AQP7B: variants seen among roughly 807,000 people sequenced by gnomAD.
The protein encoded by AQP7B is putative aquaporin-7B.
the AQP7B span, among the ~76,000 whole-genome samples, chr2:94,588,108 G>A: frequency 2.6e-5 from 4 of 152,088 alleles, no homozygotes; most frequent in Non-Finnish European, 5.9e-5. Context: ...ATGTGTGTGT[G>A]CAGGTCCTGG....
chr2:94,602,139 G>A, the AQP7B span, among the ~76,000 whole-genome samples: 1 of 151,772 alleles, frequency 6.6e-6, no homozygotes, highest in East Asian at 2.0e-4. Flanking sequence ...TGAAGTGTGA[G>A]GGACTCTGAG....
chr2:94,597,843 G>A, the AQP7B span, among the ~76,000 whole-genome samples: 1 of 152,120 alleles, frequency 6.6e-6, no homozygotes, highest in African/African-American at 2.4e-5. Context: ...GACTTCAAGT[G>A]ATCCTCCCAC....
the AQP7B span, chr2:94,594,782 T>G: frequency 6.3e-7 from 1 of 1,578,586 alleles, no homozygotes; most frequent in Non-Finnish European, 8.7e-7. Context: ...TGGTCCGTGA[T>G]AGCAAAGATC....
chr2:94,602,606 C>G, the AQP7B span: 12 of 1,594,914 alleles, frequency 7.5e-6, no homozygotes, highest in Non-Finnish European at 1.0e-5. Flanking sequence ...CGTGGCAGGC[C>G]GCATCTCTGG....
chr2:94,587,768 C>T, the AQP7B span, among the ~76,000 whole-genome samples: 1 of 152,040 alleles, frequency 6.6e-6, no homozygotes, highest in Non-Finnish European at 1.5e-5. Context: ...CAGGGGGAGG[C>T]GTGCAGGCAG....
the AQP7B span, chr2:94,604,397 C>T: frequency 6.2e-7 from 1 of 1,611,544 alleles, no homozygotes; most frequent in Non-Finnish European, 8.5e-7. Flanking sequence ...ACGGGAGCCC[C>T]TGAAATTGGA....
the AQP7B span, among the ~76,000 whole-genome samples, chr2:94,590,049 C>T: frequency 0.02 from 3,111 of 152,336 alleles, 43 homozygotes; most frequent in Non-Finnish European, 0.035. Context: ...CCCTGAGCTC[C>T]CCCAGTCCCA....
At chr2:94,597,145 C>T in the AQP7B span, among the ~76,000 whole-genome samples, 12 of 152,162 alleles carry the variant, frequency 7.9e-5, no homozygotes, top group African/African-American at 2.9e-4. Context: ...CTGGCCCTCC[C>T]CTACTCCTCT....
the AQP7B span, among the ~76,000 whole-genome samples, chr2:94,601,563 T>C: frequency 6.6e-6 from 1 of 151,920 alleles, no homozygotes; most frequent in Admixed American, 6.6e-5. Context: ...CTGTGACATG[T>C]GGAAGTGGAA....
the AQP7B span, among the ~76,000 whole-genome samples, chr2:94,601,886 G>A: frequency 6.6e-6 from 1 of 152,132 alleles, no homozygotes; most frequent in Admixed American, 6.5e-5. Context: ...CCCCTGTGAA[G>A]GCGGCATTAT....
the AQP7B span, among the ~76,000 whole-genome samples, chr2:94,601,712 T>A: frequency 6.6e-6 from 1 of 151,990 alleles, no homozygotes; most frequent in Non-Finnish European, 1.5e-5. Flanking sequence ...TGGGACAGTT[T>A]GCTGGGAAGG....
the AQP7B span, among the ~76,000 whole-genome samples, chr2:94,591,594 G>T: frequency 6.6e-6 from 1 of 152,132 alleles, no homozygotes. Flanking sequence ...CCCTCTGGTA[G>T]AGTTCAGACT....
At chr2:94,602,759 C>T in the AQP7B span, 2 of 920,854 alleles carry the variant, frequency 2.2e-6, no homozygotes, top group South Asian at 1.7e-5. Flanking sequence ...CTCTGAACCC[C>T]GTGCCTATGA....
At chr2:94,600,723 CA>C in the AQP7B span, among the ~76,000 whole-genome samples, 1 of 151,872 alleles carries the variant, frequency 6.6e-6, no homozygotes, top group Admixed American at 6.6e-5. Flanking sequence ...ACTAAAAATA[CA>C]AAAAAATAGT....
the AQP7B span, among the ~76,000 whole-genome samples, chr2:94,601,376 G>A: frequency 2.6e-5 from 4 of 152,230 alleles, no homozygotes; most frequent in African/African-American, 7.2e-5. Flanking sequence ...AGACGCCCAC[G>A]GAACACCAGG....
At chr2:94,602,436 T>C in the AQP7B span, 1 of 1,544,204 alleles carries the variant, frequency 6.5e-7, no homozygotes, top group East Asian at 2.3e-5. Context: ...CTCTGAGCCC[T>C]CCTCTGAGGT....
the AQP7B span, chr2:94,594,904 G>A: frequency 7.8e-7 from 1 of 1,285,984 alleles, no homozygotes; most frequent in Non-Finnish European, 1.1e-6. Flanking sequence ...AAGTGGGTGG[G>A]GCTCCACCAG....
chr2:94,587,333 G>A, the AQP7B span: 1 of 153,296 alleles, frequency 6.5e-6, no homozygotes, highest in Non-Finnish European at 1.5e-5. Context: ...GACAGTCACG[G>A]AGGAAGAAGA....
chr2:94,590,534 G>T, the AQP7B span, among the ~76,000 whole-genome samples: 2 of 152,098 alleles, frequency 1.3e-5, no homozygotes, highest in Non-Finnish European at 2.9e-5. Context: ...AGGTTGAATT[G>T]TTGGCTCGTG....
Sources: gnomAD v4.1 joint callset for allele counts (sites outside exome capture counted in the v4.1 genomes callset) on GRCh38, gnomAD v4.1.1 for gene constraint, MANE v1.5 for transcripts, NCBI Gene and HGNC (gene_info 2026-07-23, HGNC 2026-07-21) for gene names.